Variants in KBTBD11 observed in about 807,000 individuals in gnomAD.
KBTBD11 encodes kelch repeat and BTB domain containing 11.
For missense variants in KBTBD11, 1,390 were observed against 1,001.8 expected (o/e 1.39, Z -5.23); for synonymous variants, 747 against 499.0 (o/e 1.50, Z -6.63).
chr8:1,975,866 G>A (rs901581504), intron 1 of KBTBD11: 1 of 152,164 alleles, frequency 6.6e-6, no homozygotes, highest in South Asian at 2.1e-4. Flanking sequence ...ATACAAACCC[G>A]CTTCAATGGG....
In KBTBD11 at chr8:2,001,255, G is replaced by A. The variant is rs773436687; in HGVS notation, c.63G>A (p.Glu21=). 92 of 1,506,356 alleles carry A rather than the reference G, an allele frequency of 6.1e-5. No homozygotes were observed. The highest frequency in any genetic ancestry group is 7.9e-5 in the Non-Finnish European group (90 of 1,133,698). The allele number at this position is 1,506,356 out of a possible 1,614,324, so 93.3% of individuals were successfully genotyped here. A position where few individuals can be genotyped will look rare whatever the true frequency, so the allele number is the denominator to read the frequency against. Residue 21 remains glutamate (E), a synonymous_variant, in exon 2 of 2, where the codon GAG becomes GAA. Coordinates refer to ENST00000320248, the MANE Select transcript of KBTBD11 (RefSeq NM_014867.3). The part of the protein sequence containing the change: ...YPGTEPGAAG[E]SESEGAASPA... ...GGACTGAGCCCGGGGCTGCCGGGGA[G>A]AGCGAGAGCGAGGGCGCCGCGTCCC...
intron 1 of KBTBD11, among the ~76,000 whole-genome samples, chr8:1,999,609 G>A (rs941322106): frequency 1.3e-5 from 2 of 152,134 alleles, no homozygotes; most frequent in African/African-American, 2.4e-5. Context: ...CAGTCTTTTC[G>A]CTTTGATTTT....
chr8:1,981,065 G>A (rs1476884931), intron 1 of KBTBD11, among the ~76,000 whole-genome samples: 10 of 152,228 alleles, frequency 6.6e-5, no homozygotes, highest in East Asian at 3.8e-4. Flanking sequence ...CTAATTGGCT[G>A]TGTGACCCTG....
chr8:1,980,984 A>G (rs1319779979), intron 1 of KBTBD11, among the ~76,000 whole-genome samples: 2 of 152,192 alleles, frequency 1.3e-5, no homozygotes, highest in Admixed American at 1.3e-4. Flanking sequence ...TATGTCTGGC[A>G]TTGCAACAGG....
chr8:1,992,231 C>G (rs946870141), intron 1 of KBTBD11, among the ~76,000 whole-genome samples: 2 of 152,134 alleles, frequency 1.3e-5, no homozygotes, highest in Non-Finnish European at 2.9e-5. Flanking sequence ...GTTTTCTCAA[C>G]TGTAAAACGT....
chr8:1,978,270 G>C (rs1441330884), intron 1 of KBTBD11, among the ~76,000 whole-genome samples: 1 of 152,156 alleles, frequency 6.6e-6, no homozygotes, highest in Admixed American at 6.5e-5. Flanking sequence ...TCCTGTATTC[G>C]TAGCAATAGC....
rs749927815 is a variant in KBTBD11 at position 2,003,960 on chromosome 8, T to G, written c.*896T>G. 1 of 166,788 alleles carries G rather than the reference T, an allele frequency of 6.0e-6. No individual in the cohort carries two copies. Among genetic ancestry groups the G allele is most frequent in the Non-Finnish European group, 1.5e-5 (1 of 68,094 alleles). The allele number at this position is 166,788 out of a possible 1,614,324, so 10.3% of individuals were successfully genotyped here. A position where few individuals can be genotyped will look rare whatever the true frequency, so the allele number is the denominator to read the frequency against. ...TTTCATAATCTGGAACGAGATAAAA[T>G]ATTCCTAAAAAGCGGGGAAAATCAT... On this transcript the variant is annotated 3_prime_UTR_variant, in exon 2 of 2. Coordinates refer to ENST00000320248, the MANE Select transcript of KBTBD11 (RefSeq NM_014867.3).
intron 1 of KBTBD11, among the ~76,000 whole-genome samples, chr8:1,991,428 A>C (rs1262198894): frequency 1.3e-5 from 2 of 152,220 alleles, no homozygotes; most frequent in Non-Finnish European, 2.9e-5. Context: ...GTCCTTCGGC[A>C]CCACATGCTC....
intron 1 of KBTBD11, chr8:1,974,791 C>T: frequency 7.0e-6 from 5 of 711,022 alleles, no homozygotes; most frequent in Non-Finnish European, 6.9e-6. Context: ...TAGAGTCCTA[C>T]AAAACCACGT....
chr8:2,001,259 G>C lies in KBTBD11; in HGVS notation c.67G>C (p.Glu23Gln). The C allele has an allele frequency of 6.6e-7, 1 of 1,512,274 alleles. No homozygotes were observed. The highest frequency in any genetic ancestry group is 1.2e-5 in the South Asian group (1 of 80,792). The allele number at this position is 1,512,274 out of a possible 1,614,324, so 93.7% of individuals were successfully genotyped here. A position where few individuals can be genotyped will look rare whatever the true frequency, so the allele number is the denominator to read the frequency against. Residue 23 changes from glutamate to glutamine, a missense_variant, in exon 2 of 2, where the codon GAG (glutamate) becomes CAG (glutamine). By Grantham distance (29) the Glu-to-Gln change is conservative (BLOSUM62 2). Transcript: ENST00000320248. ...GTEPGAAGES[E>Q]SEGAASPAQT... ...TGAGCCCGGGGCTGCCGGGGAGAGC[G>C]AGAGCGAGGGCGCCGCGTCCCCGGC...
chr8:1,998,445 T>C (rs1345336510), intron 1 of KBTBD11, among the ~76,000 whole-genome samples: 7 of 152,120 alleles, frequency 4.6e-5, no homozygotes, highest in African/African-American at 1.7e-4. Flanking sequence ...CAGGGCAGAG[T>C]TCCAAATTTA....
chr8:1,973,860 G>T lies in KBTBD11; in HGVS notation c.-984G>T, dbSNP rs1453337630. ...CGGCTCCCACAGGTGCCGGGAAGCG[G>T]CCGCGCGCATGCGCCGGAGCCCACC... is the stretch of plus-strand genomic sequence containing the variant. On this transcript the variant is annotated 5_prime_UTR_variant, in exon 1 of 2. Coordinates refer to ENST00000320248, the MANE Select transcript of KBTBD11 (RefSeq NM_014867.3). 1 of 982,834 alleles carries T rather than the reference G, an allele frequency of 1.0e-6. No individual in the cohort carries two copies. The highest frequency in any genetic ancestry group is 1.8e-5 in the African/African-American group (1 of 56,790). The allele number at this position is 982,834 out of a possible 1,614,324, so 60.9% of individuals were successfully genotyped here. A position where few individuals can be genotyped will look rare whatever the true frequency, so the allele number is the denominator to read the frequency against.
At position 2,001,816 on chromosome 8, in the gene KBTBD11, G is replaced by C. The variant is rs1817375704; in HGVS notation, c.624G>C (p.Val208=). The change falls in exon 2 of 2, where the codon GTG becomes GTC. Residue 208 remains valine (V), a synonymous_variant. Transcript: ENST00000320248. ...GGCCCGACAACGTGGCCGAGGTGGT[G>C]GCCGGCGCGCGCCGCCTGCAGCTGC... is the stretch of plus-strand genomic sequence containing the variant. ...GVRPDNVAEV[V]AGARRLQLPG... is the part of the protein sequence containing the mutation. 8.2e-7 allele frequency: 1 copy of C among 1,225,978 alleles called. No homozygotes were observed. Among genetic ancestry groups the C allele is most frequent in the African/African-American group, 1.6e-5 (1 of 62,880 alleles). 75.9% of individuals were successfully genotyped at this position (1,225,978 alleles called of 1,614,324 possible).
rs1236451270 is a variant in KBTBD11, at chr8:2,001,463, C to T, written c.271C>T (p.Leu91Phe). The T allele has an allele frequency of 7.3e-7, 1 of 1,365,168 alleles. No homozygotes were observed. Among genetic ancestry groups the T allele is most frequent in the Non-Finnish European group, 9.4e-7 (1 of 1,067,658 alleles). The allele number at this position is 1,365,168 out of a possible 1,614,324, so 84.6% of individuals were successfully genotyped here. A position where few individuals can be genotyped will look rare whatever the true frequency, so the allele number is the denominator to read the frequency against. ...GSAGAASPEELASPEERACPE... is the reference protein window; with the variant it reads ...GSAGAASPEEFASPEERACPE... ...CGCGGGCGCCGCGTCCCCGGAGGAG[C>T]TCGCGTCCCCTGAGGAGCGCGCGTG... Residue 91 changes from leucine (L) to phenylalanine (F), a missense_variant, in exon 2 of 2, where the codon CTC becomes TTC. Transcript: ENST00000320248.
At chr8:1,977,572 G>A (rs538769931) in intron 1 of KBTBD11, among the ~76,000 whole-genome samples, 2 of 152,242 alleles carry the variant, frequency 1.3e-5, no homozygotes, top group African/African-American at 4.8e-5. Context: ...CATCCAGGCT[G>A]GAATCCAGTG....
chr8:1,974,452 G>C, intron 1 of KBTBD11: 1 of 984,300 alleles, frequency 1.0e-6, no homozygotes, highest in Non-Finnish European at 1.2e-6. Context: ...GGCTCTCGGC[G>C]GTCGCGGGGA....
chr8:2,002,542 T>C lies in KBTBD11; in HGVS notation c.1350T>C (p.His450=), dbSNP rs759876545. 6.4e-7 allele frequency: 1 copy of C among 1,563,278 alleles called. No individual in the cohort carries two copies. The highest frequency in any genetic ancestry group is 1.8e-4 in the Middle Eastern group (1 of 5,406). ...PLPRGAFAVA[H]EATTCHGEIY... is the part of the protein sequence containing the mutation. ...CCCGGGGCGCCTTCGCCGTGGCGCA[T>C]GAGGCCACCACCTGCCACGGCGAGA... The change falls in exon 2 of 2, where the codon CAT becomes CAC. Residue 450 remains histidine (H), a synonymous_variant. Coordinates refer to ENST00000320248, the MANE Select transcript of KBTBD11 (RefSeq NM_014867.3). The surrounding 1 kb of genome is among the most constrained non-coding windows in gnomAD (Gnocchi z 4.1).
Position 2,002,766 on chromosome 8 carries a change from C to G in KBTBD11, c.1574C>G (p.Ser525Cys), listed in dbSNP as rs1327091953. 4.1e-5 allele frequency: 60 copies of G among 1,479,378 alleles called. No homozygotes were observed. The highest frequency in any genetic ancestry group is 5.1e-5 in the Non-Finnish European group (57 of 1,122,806). 91.6% of individuals were successfully genotyped at this position (1,479,378 alleles called of 1,614,324 possible). ...QAAGPSGVSV[S>C]RYHCLAKQWS... Reference sequence around the variant, plus strand: ...GCGGGGCCGAGCGGGGTCAGCGTGTCCCGATACCACTGCCTGGCCAAGCAG... The same window carrying G: ...GCGGGGCCGAGCGGGGTCAGCGTGTGCCGATACCACTGCCTGGCCAAGCAG... The change falls in exon 2 of 2, where the codon TCC (serine) becomes TGC (cysteine). Residue 525 changes from serine to cysteine, a missense_variant. Ser to Cys is a moderately radical substitution (Grantham distance 112). Coordinates refer to ENST00000320248, the MANE Select transcript of KBTBD11 (RefSeq NM_014867.3). The surrounding 1 kb of genome is among the most constrained non-coding windows in gnomAD (Gnocchi z 4.1).
At chr8:1,976,728 G>A (rs1816358608) in intron 1 of KBTBD11, among the ~76,000 whole-genome samples, 1 of 152,206 alleles carries the variant, frequency 6.6e-6, no homozygotes, top group Admixed American at 6.5e-5. Flanking sequence ...ACACGGAGAT[G>A]AGTGCGTTGA....
Sources: allele counts gnomAD v4.1 joint callset (sites outside exome capture counted in the v4.1 genomes callset), GRCh38; gene constraint gnomAD v4.1.1; non-coding constraint Gnocchi (gnomAD v3.1); transcripts MANE v1.5; gene names NCBI Gene and HGNC (gene_info 2026-07-23, HGNC 2026-07-21).